GALNT17: variants seen among roughly 807,000 people sequenced by gnomAD.
The protein encoded by GALNT17 is UDP-GalNAc:polypeptide N-acetylgalactosaminyltransferase-like 3.
A neutral mutation model predicts 63.7 loss-of-function variants in GALNT17; 29 were observed. The observed-to-expected ratio is 0.46, with a 90% CI of 0.34 to 0.62. The LOEUF is 0.62. GALNT17 is among the 20% of genes least tolerant of loss of function. GALNT17 has a pLI of 0.01. For missense variants in GALNT17, 603 were observed against 799.6 expected (o/e 0.75, Z 2.97); for synonymous variants, 305 against 318.3 (o/e 0.96, Z 0.45).
intron 2 of GALNT17, among the ~76,000 whole-genome samples, chr7:71,375,046 G>A (rs1430909499): frequency 6.6e-6 from 1 of 151,964 alleles, no homozygotes; most frequent in African/African-American, 2.4e-5. Flanking sequence ...CACCATGTTG[G>A]CCAGGCTGGT....
At chr7:71,294,788 A>G (rs1265829784) in intron 1 of GALNT17, among the ~76,000 whole-genome samples, 1 of 152,090 alleles carries the variant, frequency 6.6e-6, no homozygotes, top group Non-Finnish European at 1.5e-5. Flanking sequence ...GCTTTATGTT[A>G]TTATCTATAG....
intron 1 of GALNT17, among the ~76,000 whole-genome samples, chr7:71,215,997 C>G (rs551601862): frequency 2.6e-5 from 4 of 152,002 alleles, no homozygotes; most frequent in African/African-American, 7.2e-5. Context: ...TTGCTTGACC[C>G]CAGGAGTTTA....
chr7:71,424,415 G>A (rs1786721438), intron 5 of GALNT17, among the ~76,000 whole-genome samples: 1 of 152,244 alleles, frequency 6.6e-6, no homozygotes, highest in Non-Finnish European at 1.5e-5. Flanking sequence ...TGCTTGCAGT[G>A]GAGTGCCTTC....
intron 5 of GALNT17, among the ~76,000 whole-genome samples, chr7:71,513,093 TTGTTGTAACTAAAGGCTGAGC>T (rs1270769160): frequency 6.6e-6 from 1 of 152,218 alleles, no homozygotes; most frequent in Non-Finnish European, 1.5e-5. Context: ...TCAGGGATGG[TTGTTGTAACTAAAGGCTGAGC>T]TGTCTTTTAT....
At chr7:71,277,522 T>C (rs1403877626) in intron 1 of GALNT17, among the ~76,000 whole-genome samples, 3 of 152,144 alleles carry the variant, frequency 2.0e-5, no homozygotes, top group Non-Finnish European at 4.4e-5. Flanking sequence ...AAAAAGAATA[T>C]TACAAAACAG....
intron 1 of GALNT17, among the ~76,000 whole-genome samples, chr7:71,215,413 G>GT (rs1461477184): frequency 6.6e-6 from 1 of 151,988 alleles, no homozygotes; most frequent in African/African-American, 2.4e-5. Context: ...TGTATTTTAT[G>GT]TTTTTTCCTG....
intron 1 of GALNT17, among the ~76,000 whole-genome samples, chr7:71,328,334 G>A (rs890317594): frequency 8.5e-5 from 13 of 152,116 alleles, no homozygotes; most frequent in Admixed American, 2.0e-4. Flanking sequence ...CGCAGGCCTG[G>A]TGCCAAGAAG....
intron 5 of GALNT17, among the ~76,000 whole-genome samples, chr7:71,459,121 A>T (rs1787407585): frequency 6.6e-6 from 1 of 152,206 alleles, no homozygotes; most frequent in Non-Finnish European, 1.5e-5. Context: ...CTTTCGGCAA[A>T]TTAAATTTAA....
At chr7:71,171,116 A>G (rs914783542) in intron 1 of GALNT17, among the ~76,000 whole-genome samples, 4 of 152,256 alleles carry the variant, frequency 2.6e-5, no homozygotes, top group African/African-American at 9.6e-5. Flanking sequence ...AGATAATTTA[A>G]GTCTCGTTAG....
At chr7:71,470,748 G>C (rs1438033716) in intron 5 of GALNT17, among the ~76,000 whole-genome samples, 1 of 152,152 alleles carries the variant, frequency 6.6e-6, no homozygotes, top group Non-Finnish European at 1.5e-5. Context: ...ATTTTAGAGA[G>C]TGAGGGTGGG....
intron 5 of GALNT17, among the ~76,000 whole-genome samples, chr7:71,525,205 G>A (rs538183498): frequency 7.2e-5 from 11 of 152,072 alleles, no homozygotes; most frequent in African/African-American, 2.2e-4. Flanking sequence ...ATGGAGTCTC[G>A]TTTTGTCTCC....
chr7:71,436,680 C>T (rs1377136571), intron 5 of GALNT17, among the ~76,000 whole-genome samples: 1 of 148,026 alleles, frequency 6.8e-6, no homozygotes, highest in Non-Finnish European at 1.5e-5. Flanking sequence ...GATCGCACCA[C>T]TGCACTCCAG....
chr7:71,229,525 G>C (rs767540932), intron 1 of GALNT17, among the ~76,000 whole-genome samples: 12 of 152,222 alleles, frequency 7.9e-5, no homozygotes, highest in Non-Finnish European at 1.5e-4. Flanking sequence ...TAGCCGATGA[G>C]TCTGAAGAGT....
At chr7:71,662,830 G>A (rs916162013) in intron 6 of GALNT17, among the ~76,000 whole-genome samples, 1 of 152,098 alleles carries the variant, frequency 6.6e-6, no homozygotes, top group Non-Finnish European at 1.5e-5. Flanking sequence ...TTTCTTCTAA[G>A]AGTTTTATAG....
At chr7:71,675,644 A>T (rs887371110) in intron 8 of GALNT17, among the ~76,000 whole-genome samples, 1 of 152,062 alleles carries the variant, frequency 6.6e-6, no homozygotes, top group Admixed American at 6.6e-5. Flanking sequence ...GAAAGAATTT[A>T]AAAATCTGCT....
At chr7:71,312,958 T>C (rs1478159757) in intron 1 of GALNT17, among the ~76,000 whole-genome samples, 1 of 151,998 alleles carries the variant, frequency 6.6e-6, no homozygotes, top group Admixed American at 6.6e-5. Context: ...ATAGTAAGAA[T>C]ATTAGCTGGG....
chr7:71,512,387 A>T (rs1246486866), intron 5 of GALNT17, among the ~76,000 whole-genome samples: 1 of 152,082 alleles, frequency 6.6e-6, no homozygotes, highest in Non-Finnish European at 1.5e-5. Context: ...GAGGTAGCCC[A>T]GGGTAGCTGT....
intron 5 of GALNT17, among the ~76,000 whole-genome samples, chr7:71,460,873 C>T (rs527918754): frequency 6.6e-6 from 1 of 152,230 alleles, no homozygotes; most frequent in South Asian, 2.1e-4. Context: ...TCACTCCCGT[C>T]GCCATTTTGG....
intron 3 of GALNT17, among the ~76,000 whole-genome samples, chr7:71,395,683 T>C (rs1015455213): frequency 4.6e-5 from 7 of 152,242 alleles, no homozygotes; most frequent in Non-Finnish European, 8.8e-5. Flanking sequence ...ACAGCCAGAC[T>C]GTTTTTCACC....
Sources: gnomAD v4.1 joint callset for allele counts (sites outside exome capture counted in the v4.1 genomes callset) on GRCh38, gnomAD v4.1.1 for gene constraint, MANE v1.5 for transcripts, NCBI Gene and HGNC (gene_info 2026-07-23, HGNC 2026-07-21) for gene names.